The following SAMSN1 variants were observed in gnomAD, a reference collection of about 807,000 sequenced individuals.
SAMSN1 encodes SAM domain, SH3 domain and nuclear localization signals 1.
SAMSN1 carries 31 observed loss-of-function variants against 42.0 expected under a neutral mutation model. The observed-to-expected ratio is 0.74, with a 90% confidence interval of 0.55 to 1.00. The LOEUF (loss-of-function observed/expected upper bound fraction) is 1.00, where lower values mean the gene tolerates loss of function less well. Among genes scored for constraint, SAMSN1 ranks in the 50% least tolerant of loss-of-function variants. The pLI, the probability that SAMSN1 is intolerant of heterozygous loss-of-function variation, is 0.00. For missense variants in SAMSN1, 464 were observed against 439.4 expected (o/e 1.06, Z -0.50); for synonymous variants, 178 against 151.9 (o/e 1.17, Z -1.26).
intron 2 of SAMSN1, among the ~76,000 whole-genome samples, chr21:14,563,604 T>C (rs1981015143): frequency 6.6e-6 from 1 of 152,182 alleles, no homozygotes; most frequent in Non-Finnish European, 1.5e-5. Context: ...TCTCTACTTG[T>C]GGTACAAATG....
intron 3 of SAMSN1, among the ~76,000 whole-genome samples, chr21:14,614,382 A>C (rs914332956): frequency 1.3e-5 from 2 of 152,146 alleles, no homozygotes; most frequent in Non-Finnish European, 2.9e-5. Flanking sequence ...CTCTTCCCCT[A>C]TGTATGATTG....
upstream of SAMSN1, among the ~76,000 whole-genome samples, chr21:14,549,960 C>T (rs73161274): frequency 8.0e-4 from 122 of 151,928 alleles, no homozygotes; most frequent in Middle Eastern, 0.014. Flanking sequence ...CTCAGTGTTT[C>T]CTGAAATAAG....
chr21:14,564,951 G>A (rs1432396733), intron 2 of SAMSN1, among the ~76,000 whole-genome samples: 1 of 151,924 alleles, frequency 6.6e-6, no homozygotes, highest in Admixed American at 6.6e-5. Flanking sequence ...TTGAGCAGAG[G>A]GGCAACAAAA....
intron 1 of SAMSN1, among the ~76,000 whole-genome samples, chr21:14,651,674 C>A (rs1465751158): frequency 6.6e-6 from 1 of 151,834 alleles, no homozygotes; most frequent in Non-Finnish European, 1.5e-5. Context: ...GAAGTCCTAG[C>A]TAGAGAAATT....
chr21:14,601,558 T>C (rs1382968570), intron 6 of SAMSN1, among the ~76,000 whole-genome samples: 1 of 152,170 alleles, frequency 6.6e-6, no homozygotes, highest in South Asian at 2.1e-4. Context: ...TGTTACAGGG[T>C]GAATAGCAAG....
chr21:14,604,450 A>G (rs1261802051), intron 5 of SAMSN1, among the ~76,000 whole-genome samples: 1 of 152,174 alleles, frequency 6.6e-6, no homozygotes, highest in Admixed American at 6.5e-5. Context: ...GGGGCAGTGG[A>G]GGACCTATAT....
chr21:14,504,774 A>T (rs1444394428), intron 5 of SAMSN1, among the ~76,000 whole-genome samples: 1 of 152,234 alleles, frequency 6.6e-6, no homozygotes, highest in African/African-American at 2.4e-5. Context: ...TTGCAAAGAG[A>T]TGATTGCCTA....
intron 2 of SAMSN1, among the ~76,000 whole-genome samples, chr21:14,580,871 T>C (rs536959681): frequency 1.6e-3 from 240 of 152,312 alleles, no homozygotes; most frequent in African/African-American, 5.2e-3. Flanking sequence ...AATTGTCCCA[T>C]TCATTCACTG....
At chr21:14,551,905 T>G (rs965478550) in intron 2 of SAMSN1, among the ~76,000 whole-genome samples, 1 of 152,044 alleles carries the variant, frequency 6.6e-6, no homozygotes, top group Admixed American at 6.6e-5. Context: ...TAACCATCAC[T>G]CTATGTCATA....
chr21:14,538,091 G>A (rs1011517336), intron 1 of SAMSN1, among the ~76,000 whole-genome samples: 2 of 152,146 alleles, frequency 1.3e-5, no homozygotes. Context: ...ACACAAAAAT[G>A]AAGACAACCT....
intron 2 of SAMSN1, among the ~76,000 whole-genome samples, chr21:14,622,431 C>A (rs1983039114): frequency 6.6e-6 from 1 of 152,178 alleles, no homozygotes; most frequent in South Asian, 2.1e-4. Flanking sequence ...CCTTAAATGA[C>A]CTGATGGAGC....
chr21:14,531,679 C>A (rs937365819), intron 1 of SAMSN1, among the ~76,000 whole-genome samples: 1 of 151,982 alleles, frequency 6.6e-6, no homozygotes, highest in African/African-American at 2.4e-5. Context: ...CCAGTCACTC[C>A]AGATTTTAAA....
chr21:14,648,108 A>G (rs1600983611), intron 1 of SAMSN1, among the ~76,000 whole-genome samples: 1 of 151,424 alleles, frequency 6.6e-6, no homozygotes, highest in African/African-American at 2.4e-5. Flanking sequence ...ATTCAGTATG[A>G]TATTGGCTGT....
intron 1 of SAMSN1, among the ~76,000 whole-genome samples, chr21:14,542,063 G>C (rs542611891): frequency 6.6e-6 from 1 of 152,226 alleles, no homozygotes; most frequent in Admixed American, 6.5e-5. Context: ...ACAATTGTAG[G>C]TGTTGACATG....
intron 1 of SAMSN1, among the ~76,000 whole-genome samples, chr21:14,536,060 T>C (rs1327485657): frequency 6.6e-6 from 1 of 152,224 alleles, no homozygotes; most frequent in East Asian, 1.9e-4. Context: ...TAATCAATTC[T>C]TAATGGAGGA....
At chr21:14,519,891 A>G (rs1978342351) in intron 2 of SAMSN1, among the ~76,000 whole-genome samples, 1 of 152,122 alleles carries the variant, frequency 6.6e-6, no homozygotes, top group African/African-American at 2.4e-5. Flanking sequence ...ACCACTTAGC[A>G]TATGTGGCCC....
At chr21:14,586,177 T>C (rs567275979), upstream of SAMSN1, among the ~76,000 whole-genome samples, 49 of 142,502 alleles carry the variant, frequency 3.4e-4, no homozygotes, top group African/African-American at 1.2e-3. Context: ...GCAGGAGAAT[T>C]GCTTGAACCC....
At chr21:14,577,733 T>A (rs1393628980) in intron 2 of SAMSN1, among the ~76,000 whole-genome samples, 1 of 152,216 alleles carries the variant, frequency 6.6e-6, no homozygotes, top group African/African-American at 2.4e-5. Context: ...TTTCTTAAGA[T>A]GCAGCTGAAA....
At chr21:14,540,149 G>A (rs1310123564) in intron 1 of SAMSN1, among the ~76,000 whole-genome samples, 2 of 152,128 alleles carry the variant, frequency 1.3e-5, no homozygotes, top group African/African-American at 4.8e-5. Flanking sequence ...CTTCAAGATG[G>A]ATTAAAGACT....
Sources: gnomAD v4.1 joint callset for allele counts (sites outside exome capture counted in the v4.1 genomes callset) on GRCh38, gnomAD v4.1.1 for gene constraint, MANE v1.5 for transcripts, NCBI Gene and HGNC (gene_info 2026-07-23, HGNC 2026-07-21) for gene names.